The following UGT1A5 variants were observed in gnomAD, a reference collection of about 807,000 sequenced individuals.
The protein encoded by UGT1A5 is UDP glucuronosyltransferase family 1 member A5, also known as UDP-glucuronosyltransferase 1A5.
UGT1A5 carries 29 observed loss-of-function variants against 40.3 expected under a neutral mutation model. The ratio of observed to expected loss-of-function variants is 0.72; its 90% confidence interval spans 0.54 to 0.98. UGT1A5 has a LOEUF of 0.98. Ranked by LOEUF, UGT1A5 falls within the 50% of genes least tolerant of loss-of-function variation. The pLI is 0.00. For missense variants in UGT1A5, 678 were observed against 677.9 expected (o/e 1.00, Z 0.00); for synonymous variants, 257 against 262.5 (o/e 0.98, Z 0.20).
chr2:233,755,338 G>A (rs569505432), intron 1 of UGT1A5: 1 of 431,822 alleles, frequency 2.3e-6, no homozygotes, highest in Non-Finnish European at 4.0e-6. Flanking sequence ...CCCGCGCACA[G>A]GTCAGAGGCT....
At chr2:233,752,385 CAG>C (rs1206895244) in intron 1 of UGT1A5, 1 of 152,142 alleles carries the variant, frequency 6.6e-6, no homozygotes, top group Non-Finnish European at 1.5e-5. Flanking sequence ...ATCTTTGCAA[CAG>C]AGGAAATGCC....
intron 1 of UGT1A5, among the ~76,000 whole-genome samples, chr2:233,749,110 T>C (rs1417029157): frequency 1.3e-5 from 2 of 151,818 alleles, no homozygotes; most frequent in African/African-American, 4.9e-5. Flanking sequence ...AATTCAGCCT[T>C]TTTATGTCAT....
Position 233,720,871 on chromosome 2 carries a change from ATT to A in UGT1A5, c.867+7031_867+7032del, listed in dbSNP as rs60621337. On this transcript the variant is annotated intron_variant, in intron 1 of 4. Transcript: ENST00000373414. ...CAGGCATGTGCCACTGCTCCTGGCAATTTTTTTTTTTTTTTTTTTAGTAGAGA... is the reference window on the plus strand; with the variant it reads ...CAGGCATGTGCCACTGCTCCTGGCAATTTTTTTTTTTTTTTTTAGTAGAGA... Among the ~76,000 whole-genome samples, 774 of 132,742 alleles carry A rather than the reference ATT, an allele frequency of 5.8e-3. 4 individuals are homozygous for A. Among genetic ancestry groups the A allele is most frequent in the African/African-American group, 0.021 (722 of 34,968 alleles). The allele number at this position is 132,742 out of a possible 152,430, so 87.1% of individuals were successfully genotyped here.
chr2:233,724,364 G>T (rs1172748596), intron 1 of UGT1A5, among the ~76,000 whole-genome samples: 6 of 145,700 alleles, frequency 4.1e-5, no homozygotes, highest in South Asian at 4.7e-4. Context: ...CCTCCCGGAC[G>T]GGGTGGCTGC....
chr2:233,718,702 T>C (rs904899091), intron 1 of UGT1A5: 3 of 1,600,624 alleles, frequency 1.9e-6, no homozygotes, highest in African/African-American at 2.7e-5. Context: ...GGGCACTTTG[T>C]CTTCCAATTA....
At chr2:233,743,465 C>A in intron 1 of UGT1A5, 1 of 1,366,596 alleles carries the variant, frequency 7.3e-7, no homozygotes. Flanking sequence ...AAAACACCCC[C>A]AAAAGCTGGA....
At chr2:233,762,564 C>T (rs537495402) in intron 1 of UGT1A5, among the ~76,000 whole-genome samples, 6 of 152,312 alleles carry the variant, frequency 3.9e-5, no homozygotes, top group African/African-American at 1.4e-4. Context: ...GAGATCTAGT[C>T]TAGTTCCCCA....
rs142877456 is a variant in UGT1A5, at chr2:233,729,472, A to G, written c.867+15614A>G. On this transcript the variant is annotated intron_variant, in intron 1 of 4. Transcript: ENST00000373414. ...GAAGAAATTTTTCAGAAGTATGGCA[A>G]TGTTGAACAATATGTCTTTGGTCTA... 29 of 1,614,082 alleles carry G rather than the reference A, an allele frequency of 1.8e-5. No homozygotes were observed. The highest frequency in any genetic ancestry group is 2.5e-5 in the Non-Finnish European group (29 of 1,180,048).
At chr2:233,727,674 T>G (rs183043459) in intron 1 of UGT1A5, among the ~76,000 whole-genome samples, 1 of 152,276 alleles carries the variant, frequency 6.6e-6, no homozygotes, top group East Asian at 1.9e-4. Context: ...CCTTACAAAT[T>G]CCCAGGAATC....
At chr2:233,734,546 C>T (rs975748353) in intron 1 of UGT1A5, among the ~76,000 whole-genome samples, 34 of 152,032 alleles carry the variant, frequency 2.2e-4, no homozygotes, top group East Asian at 1.9e-4. Flanking sequence ...TATTTCTTCC[C>T]TTCTGCTAGC....
chr2:233,743,634 C>T (rs776464072), intron 1 of UGT1A5: 4 of 1,367,180 alleles, frequency 2.9e-6, no homozygotes, highest in Non-Finnish European at 2.0e-6. Flanking sequence ...TCGGCTGGGT[C>T]GCGGAAGCTG....
intron 1 of UGT1A5, 107 bp downstream of exon 1, chr2:233,713,965 A>G (rs1306129975): frequency 1.2e-6 from 2 of 1,604,828 alleles, no homozygotes; most frequent in Non-Finnish European, 1.7e-6. Context: ...CAAAGATTTC[A>G]TTTCTGCTTC....
Position 233,728,007 on chromosome 2 carries a change from C to A in UGT1A5, c.867+14149C>A, listed in dbSNP as rs149726573. ...GGCATCAGCAATCTTGTGAGCACAG[C>A]ACATGTGGGAGTGACTTTCTGGAGT... On this transcript the variant is annotated intron_variant, in intron 1 of 4. Transcript: ENST00000373414. Among the ~76,000 whole-genome samples the A allele has an allele frequency of 4.5e-3, 686 of 152,336 alleles. 5 individuals carry two copies. Among genetic ancestry groups the A allele is most frequent in the African/African-American group, 0.016 (647 of 41,580 alleles).
rs988278598 is a variant in UGT1A5, at chr2:233,758,928, G to A, written c.868-8106G>A. Among the ~76,000 whole-genome samples the A allele has an allele frequency of 5.9e-5, 9 of 152,130 alleles. 1 individual carries two copies. The highest frequency in any genetic ancestry group is 3.3e-4 in the Admixed American group (5 of 15,276). On this transcript the variant is annotated intron_variant, in intron 1 of 4. Coordinates refer to ENST00000373414, the MANE Select transcript of UGT1A5 (RefSeq NM_019078.2). Reference sequence around the variant, plus strand: ...TTGTTTTTGCTCATCTTTCCCTTTTGACTTCAAATCAGTCATCAGAATTTC... The same window carrying A: ...TTGTTTTTGCTCATCTTTCCCTTTTAACTTCAAATCAGTCATCAGAATTTC...
chr2:233,751,386 C>T (rs1694713563), intron 1 of UGT1A5, among the ~76,000 whole-genome samples: 1 of 152,086 alleles, frequency 6.6e-6, no homozygotes, highest in African/African-American at 2.4e-5. Flanking sequence ...TGCCTTGTCT[C>T]AGATAAGACT....
At chr2:233,734,648 T>A (rs187362448) in intron 1 of UGT1A5, among the ~76,000 whole-genome samples, 1 of 152,330 alleles carries the variant, frequency 6.6e-6, no homozygotes, top group East Asian at 1.9e-4. Context: ...CCTGTGGGGA[T>A]TTAATGCTAT....
intron 1 of UGT1A5, chr2:233,760,342 G>C (rs2125982896): frequency 6.2e-7 from 1 of 1,614,102 alleles, no homozygotes; most frequent in East Asian, 2.2e-5. Flanking sequence ...GCTGCTGTGT[G>C]TGCTGGGCCC....
At chr2:233,715,899 C>T (rs1227216690) in intron 1 of UGT1A5, among the ~76,000 whole-genome samples, 1 of 152,172 alleles carries the variant, frequency 6.6e-6, no homozygotes, top group African/African-American at 2.4e-5. Context: ...TTGGGAGGCT[C>T]AGGTGGGAGG....
At chr2:233,733,973 G>A (rs2078462378) in intron 1 of UGT1A5, among the ~76,000 whole-genome samples, 1 of 152,034 alleles carries the variant, frequency 6.6e-6, no homozygotes, top group African/African-American at 2.4e-5. Flanking sequence ...GGGGGAGCGG[G>A]GAGGGATAGC....
Sources: gnomAD v4.1 joint callset for allele counts (sites outside exome capture counted in the v4.1 genomes callset) on GRCh38, gnomAD v4.1.1 for gene constraint, MANE v1.5 for transcripts, NCBI Gene and HGNC (gene_info 2026-07-23, HGNC 2026-07-21) for gene names.